The following VPS13A variants were observed in gnomAD, a reference collection of about 807,000 sequenced individuals.
VPS13A encodes vacuolar protein sorting 13 homolog A, also known as intermembrane lipid transfer protein VPS13A.
A neutral mutation model predicts 390.9 loss-of-function variants in VPS13A; 264 were observed. The observed-to-expected ratio is 0.68, with a 90% confidence interval of 0.61 to 0.75. VPS13A has a LOEUF of 0.75. VPS13A is among the 30% of genes least tolerant of loss of function. The pLI, the probability that VPS13A is intolerant of heterozygous loss-of-function variation, is 0.00. For synonymous variants in VPS13A, 1,231 were observed against 1,227.1 expected (o/e 1.00, Z -0.07); for missense variants, 3,409 against 3,733.9 (o/e 0.91, Z 2.27).
chr9:77,266,949 G>A (rs767140393), intron 23 of VPS13A, among the ~76,000 whole-genome samples: 2 of 151,672 alleles, frequency 1.3e-5, no homozygotes, highest in African/African-American at 4.8e-5. Context: ...CCGCTTGATC[G>A]ATTTGGCTAT....
intron 67 of VPS13A, among the ~76,000 whole-genome samples, chr9:77,375,222 G>A (rs1303896404): frequency 1.3e-5 from 2 of 151,890 alleles, no homozygotes; most frequent in Non-Finnish European, 1.5e-5. Flanking sequence ...AGGGATTGAG[G>A]GCACAATGAA....
Position 77,368,082 on chromosome 9 carries a change from G to C in VPS13A, c.8499G>C (p.Gln2833His), listed in dbSNP as rs201385328. 1.9e-6 allele frequency: 3 copies of C among 1,612,326 alleles called. No homozygotes were observed. Among genetic ancestry groups the C allele is most frequent in the Non-Finnish European group, 2.5e-6 (3 of 1,179,480 alleles). The change falls in exon 62 of 72, where the codon CAG becomes CAC. Residue 2833 changes from glutamine (Q) to histidine (H), a missense_variant. Physicochemically the swap from Gln to His is conservative, Grantham distance 24. Coordinates refer to ENST00000360280, the MANE Select transcript of VPS13A (RefSeq NM_033305.3). Reference sequence around the variant, plus strand: ...TTGCATTTTTTGAACTCAACTATCAGTTCCATACAACATCCGATCTACAGT... The same window carrying C: ...TTGCATTTTTTGAACTCAACTATCACTTCCATACAACATCCGATCTACAGT... ...FKLAFFELNY[Q>H]FHTTSDLQSE...
At chr9:77,391,100 G>A (rs922223109) in intron 68 of VPS13A, among the ~76,000 whole-genome samples, 4 of 143,426 alleles carry the variant, frequency 2.8e-5, no homozygotes, top group African/African-American at 1.1e-4. Context: ...TTAGCTAGAA[G>A]GTCTTCAGCC....
At chr9:77,322,108 A>G (rs887567194) in intron 44 of VPS13A, among the ~76,000 whole-genome samples, 1 of 151,738 alleles carries the variant, frequency 6.6e-6, no homozygotes, top group Non-Finnish European at 1.5e-5. Context: ...ATCCGTTGAT[A>G]GTATTCCACC....
Position 77,314,580 on chromosome 9 carries a change from C to G in VPS13A, c.4328C>G (p.Thr1443Arg), listed in dbSNP as rs753618625. Residue 1443 changes from threonine to arginine, a missense_variant, in exon 37 of 72, where the codon ACA becomes AGA. Thr to Arg is a moderately conservative substitution (Grantham distance 71). Around this residue, in one of 5 missense-constraint regions of VPS13A, gnomAD observed 2,717 missense variants for 2,917.4 expected, o/e 0.93. Transcript: ENST00000360280. ...ENIISTLKMYTDGSTFSSFSL... is the reference protein window; with the variant it reads ...ENIISTLKMYRDGSTFSSFSL... Reference sequence around the variant, plus strand: ...ATTATAAGTACTTTAAAAATGTATACAGATGGCTCAACATTTTCTTCCTTC... The same window carrying G: ...ATTATAAGTACTTTAAAAATGTATAGAGATGGCTCAACATTTTCTTCCTTC... The G allele has an allele frequency of 1.2e-6, 2 of 1,609,824 alleles. No individual in the cohort carries two copies. The highest frequency in any genetic ancestry group is 1.7e-5 in the Admixed American group (1 of 59,896).
intron 68 of VPS13A, among the ~76,000 whole-genome samples, chr9:77,393,913 C>T (rs1166241266): frequency 6.6e-6 from 1 of 151,982 alleles, no homozygotes; most frequent in Non-Finnish European, 1.5e-5. Context: ...GGATTACAGG[C>T]GCCTGCCACA....
intron 52 of VPS13A, among the ~76,000 whole-genome samples, chr9:77,347,595 G>A (rs1343242136): frequency 6.6e-6 from 1 of 152,080 alleles, no homozygotes; most frequent in East Asian, 1.9e-4. Context: ...TCATGCCTCA[G>A]CCTTCCAAGT....
intron 35 of VPS13A, among the ~76,000 whole-genome samples, chr9:77,310,087 G>T (rs1828982741): frequency 6.6e-6 from 1 of 152,234 alleles, no homozygotes; most frequent in Non-Finnish European, 1.5e-5. Flanking sequence ...AATGTGAAAA[G>T]AAAATAATTC....
At chr9:77,337,573 G>A (rs778831698) in intron 47 of VPS13A, 36 bp downstream of exon 47, 1 of 1,589,086 alleles carries the variant, frequency 6.3e-7, no homozygotes, top group Admixed American at 1.7e-5. Flanking sequence ...TCCTGTTTTT[G>A]ATTTTGTAGT....
At chr9:77,309,525 A>G (rs1374269274) in intron 35 of VPS13A, among the ~76,000 whole-genome samples, 1 of 152,200 alleles carries the variant, frequency 6.6e-6, no homozygotes, top group African/African-American at 2.4e-5. Flanking sequence ...TTTTTCCTAT[A>G]CATACATATG....
At chr9:77,372,299 C>T (rs2131591892) in intron 67 of VPS13A, among the ~76,000 whole-genome samples, 1 of 152,106 alleles carries the variant, frequency 6.6e-6, no homozygotes, top group East Asian at 1.9e-4. Context: ...TTCTCCACAT[C>T]CTCTCCAGCA....
chr9:77,240,352 G>T (rs1824406142), intron 19 of VPS13A, among the ~76,000 whole-genome samples: 1 of 151,550 alleles, frequency 6.6e-6, no homozygotes, highest in African/African-American at 2.4e-5. Flanking sequence ...CTCCCAAAGT[G>T]CTGGGATTAC....
rs1823525042 is a variant in VPS13A, at chr9:77,226,489, T to C, written c.1248T>C (p.Ile416=). The part of the protein sequence containing the change: ...EVEVKKAGYK[I]YKEGVKDPED... ...AGGTAAAGAAAGCTGGATACAAAAT[T>C]TACAAAGAAGGAGTAAAAGATCCAG... Residue 416 remains isoleucine (I), a synonymous_variant, in exon 15 of 72, where the codon ATT becomes ATC. Transcript: ENST00000360280. 6.2e-7 allele frequency: 1 copy of C among 1,611,718 alleles called. No individual in the cohort carries two copies. The highest frequency in any genetic ancestry group is 1.3e-5 in the African/African-American group (1 of 74,840).
chr9:77,376,297 G>C (rs774858711), intron 67 of VPS13A, among the ~76,000 whole-genome samples: 1 of 152,150 alleles, frequency 6.6e-6, no homozygotes, highest in Non-Finnish European at 1.5e-5. Flanking sequence ...GCAAGCCCCT[G>C]TAAGGACTTA....
intron 6 of VPS13A, 85 bp downstream of exon 6, chr9:77,209,617 A>C: frequency 1.2e-6 from 1 of 802,338 alleles, no homozygotes; most frequent in East Asian, 2.7e-5. Context: ...TTTAATGGCC[A>C]ATCTGTTAAA....
chr9:77,240,482 T>TG (rs972197682), intron 19 of VPS13A, among the ~76,000 whole-genome samples: 1 of 116,080 alleles, frequency 8.6e-6, no homozygotes, highest in Non-Finnish European at 2.0e-5. Flanking sequence ...GTTTTTGTTT[T>TG]TTTTTTTTTT....
At chr9:77,311,060 G>T (rs1160654373) in intron 35 of VPS13A, among the ~76,000 whole-genome samples, 3 of 152,018 alleles carry the variant, frequency 2.0e-5, no homozygotes, top group Non-Finnish European at 4.4e-5. Context: ...GAGTAGCTGG[G>T]ACTACAGGTG....
At chr9:77,289,160 G>A (rs1181754716) in intron 31 of VPS13A, among the ~76,000 whole-genome samples, 1 of 152,108 alleles carries the variant, frequency 6.6e-6, no homozygotes, top group Non-Finnish European at 1.5e-5. Context: ...TTGAACTCCT[G>A]TGTTTAAGCT....
intron 52 of VPS13A, among the ~76,000 whole-genome samples, chr9:77,348,523 T>A (rs1831286631): frequency 6.6e-6 from 1 of 152,118 alleles, no homozygotes; most frequent in Non-Finnish European, 1.5e-5. Flanking sequence ...GGCTTAATAC[T>A]TAGGTGTAGG....
Sources: gnomAD v4.1 joint callset for allele counts (sites outside exome capture counted in the v4.1 genomes callset) on GRCh38, gnomAD v4.1.1 for gene constraint, gnomAD v4.1.1 regional missense constraint, MANE v1.5 for transcripts, NCBI Gene and HGNC (gene_info 2026-07-23, HGNC 2026-07-21) for gene names.